Variants in ANO3 observed in about 807,000 individuals in gnomAD.
ANO3 encodes the protein anoctamin-3.
ANO3 carries 99 observed loss-of-function variants against 144.8 expected under a neutral mutation model. The ratio of observed to expected loss-of-function variants is 0.68; its 90% CI spans 0.58 to 0.81. The LOEUF (loss-of-function observed/expected upper bound fraction) is 0.81, where lower values mean the gene tolerates loss of function less well. Among genes scored for constraint, ANO3 ranks in the 30% least tolerant of loss-of-function variants. The pLI, the probability that ANO3 is intolerant of heterozygous loss-of-function variation, is 0.00. For missense variants in ANO3, 905 were observed against 1,202.2 expected (o/e 0.75, Z 3.66); for synonymous variants, 414 against 392.6 (o/e 1.05, Z -0.64).
chr11:26,587,377 T>G (rs1851316946), intron 14 of ANO3, among the ~76,000 whole-genome samples: 1 of 152,198 alleles, frequency 6.6e-6, no homozygotes, highest in African/African-American at 2.4e-5. Flanking sequence ...AACCTTGAGA[T>G]CACCTAAGCT....
intron 26 of ANO3, 142 bp downstream of exon 26, chr11:26,656,623 C>A (rs1378588290): frequency 1.6e-6 from 1 of 616,288 alleles, no homozygotes; most frequent in Admixed American, 3.0e-5. Context: ...ACAATGAAAG[C>A]ATTATTACAA....
Position 26,289,702 on chromosome 11 carries a change from A to G in ANO3, c.155-19943A>G, listed in dbSNP as rs186020300. Among the ~76,000 whole-genome samples the G allele has an allele frequency of 2.3e-3, 232 of 102,180 alleles. 2 individuals carry two copies. Among genetic ancestry groups the G allele is most frequent in the African/African-American group, 8.0e-3 (217 of 27,244 alleles). 67.0% of individuals were successfully genotyped at this position (102,180 alleles called of 152,430 possible). A position where few individuals can be genotyped will look rare whatever the true frequency, so the allele number is the denominator to read the frequency against. Reference sequence around the variant, plus strand: ...ATACACACATATATTCTATATGTGTATATATATTCTATATGTGTATATATA... The same window carrying G: ...ATACACACATATATTCTATATGTGTGTATATATTCTATATGTGTATATATA... On this transcript the variant is annotated intron_variant, in intron 1 of 27. Transcript: ENST00000672621.
intron 1 of ANO3, among the ~76,000 whole-genome samples, chr11:26,411,116 T>G (rs1383766130): frequency 1.3e-5 from 2 of 152,024 alleles, no homozygotes; most frequent in African/African-American, 4.8e-5. Flanking sequence ...GAAAACCTAC[T>G]CAGATGTAGC....
At chr11:26,249,778 CA>C (rs1852884595) in intron 1 of ANO3, among the ~76,000 whole-genome samples, 1 of 151,528 alleles carries the variant, frequency 6.6e-6, no homozygotes, top group African/African-American at 2.4e-5. Context: ...AAAAAACAAA[CA>C]AAAAAGAAAG....
In ANO3 at chr11:26,553,230, G is replaced by GTT. The variant is rs376265231; in HGVS notation, c.1290-15_1290-14dup. 6.8e-5 allele frequency: 81 copies of GTT among 1,199,610 alleles called. 2 individuals carry two copies. The highest frequency in any genetic ancestry group is 2.2e-4 in the Admixed American group (10 of 45,708). 74.3% of individuals were successfully genotyped at this position (1,199,610 alleles called of 1,614,324 possible). On this transcript the variant is annotated intron_variant, in intron 12 of 26. Coordinates refer to ENST00000256737, the MANE Select transcript of ANO3 (RefSeq NM_031418.4). ...TCATGCTATGTTTTGTTTTGTTTTT[G>GTT]TTTTTGTTTTTTCTCAAGCCAAGAA...
chr11:26,535,338 G>A (rs1310814762), intron 9 of ANO3, among the ~76,000 whole-genome samples: 1 of 152,070 alleles, frequency 6.6e-6, no homozygotes, highest in African/African-American at 2.4e-5. Context: ...CCTAGAAAAA[G>A]TAAATAAAAT....
chr11:26,565,319 C>T, intron 14 of ANO3: 2 of 1,610,626 alleles, frequency 1.2e-6, no homozygotes, highest in Non-Finnish European at 1.7e-6. Context: ...TCAAGGGGGT[C>T]ACAGATGGAG....
At chr11:26,275,828 G>T (rs1853547223) in intron 1 of ANO3, among the ~76,000 whole-genome samples, 1 of 152,066 alleles carries the variant, frequency 6.6e-6, no homozygotes, top group Admixed American at 6.6e-5. Context: ...TTCCTTTCTT[G>T]TCTCCTTTTT....
At chr11:26,289,596 T>C (rs369387649) in intron 1 of ANO3, among the ~76,000 whole-genome samples, 2 of 101,224 alleles carry the variant, frequency 2.0e-5, no homozygotes, top group African/African-American at 1.0e-4. Flanking sequence ...TGTGTGTATA[T>C]GTACATATAC....
At chr11:26,602,588 C>CT (rs113082487) in intron 17 of ANO3, among the ~76,000 whole-genome samples, 59,868 of 138,688 alleles carry the variant, frequency 0.43, 13,226 homozygotes, top group African/African-American at 0.54. Context: ...CTTTTCTTTT[C>CT]TTTTTTTTTT....
intron 17 of ANO3, among the ~76,000 whole-genome samples, chr11:26,624,000 A>G (rs1852501010): frequency 6.6e-6 from 1 of 151,888 alleles, no homozygotes; most frequent in Admixed American, 6.6e-5. Flanking sequence ...GTTAGCCAGG[A>G]TGGTCTCGAT....
intron 17 of ANO3, among the ~76,000 whole-genome samples, chr11:26,620,916 CT>C (rs1290828967): frequency 6.6e-6 from 1 of 152,112 alleles, no homozygotes; most frequent in African/African-American, 2.4e-5. Context: ...AGAGGATTGG[CT>C]TTTTAATAAA....
chr11:26,296,009 T>A (rs1403393598), intron 1 of ANO3, among the ~76,000 whole-genome samples: 1 of 152,244 alleles, frequency 6.6e-6, no homozygotes, highest in African/African-American at 2.4e-5. Context: ...ATGGTTGCAA[T>A]AGCAAACTTA....
intron 1 of ANO3, among the ~76,000 whole-genome samples, chr11:26,285,108 T>A (rs72874987): frequency 0.083 from 12,579 of 152,168 alleles, 683 homozygotes; most frequent in Non-Finnish European, 0.12. Flanking sequence ...TTTTTTTTTT[T>A]AATTATGGTA....
At chr11:26,318,916 A>C (rs1201325983) in intron 1 of ANO3, among the ~76,000 whole-genome samples, 1 of 152,180 alleles carries the variant, frequency 6.6e-6, no homozygotes, top group African/African-American at 2.4e-5. Flanking sequence ...ATAATTTTAC[A>C]CAAGTGTGTA....
chr11:26,494,033 T>G (rs1860824594), intron 4 of ANO3, among the ~76,000 whole-genome samples: 2 of 152,222 alleles, frequency 1.3e-5, no homozygotes, highest in Admixed American at 1.3e-4. Flanking sequence ...AACAACTTTT[T>G]CTGTGATTTC....
At chr11:26,375,006 A>G (rs1428787853) in intron 1 of ANO3, among the ~76,000 whole-genome samples, 3 of 152,146 alleles carry the variant, frequency 2.0e-5, no homozygotes, top group Non-Finnish European at 4.4e-5. Context: ...GGCCTCCCAA[A>G]GTGCTGGGAT....
chr11:26,294,108 C>T (rs916745411), intron 1 of ANO3, among the ~76,000 whole-genome samples: 1 of 152,020 alleles, frequency 6.6e-6, no homozygotes, highest in African/African-American at 2.4e-5. Context: ...AAAGTGGGCC[C>T]GGTGGAAATA....
intron 1 of ANO3, among the ~76,000 whole-genome samples, chr11:26,205,029 T>C (rs953123547): frequency 6.6e-6 from 1 of 152,094 alleles, no homozygotes; most frequent in Non-Finnish European, 1.5e-5. Flanking sequence ...AACGAGTCCT[T>C]CCTCACAAGG....
Sources: gnomAD v4.1 joint callset for allele counts (sites outside exome capture counted in the v4.1 genomes callset) on GRCh38, gnomAD v4.1.1 for gene constraint, MANE v1.5 for transcripts, NCBI Gene and HGNC (gene_info 2026-07-23, HGNC 2026-07-21) for gene names.